The following IPMK variants were observed in gnomAD, a reference collection of about 807,000 sequenced individuals.
IPMK encodes the protein inositol polyphosphate multikinase.
A neutral mutation model predicts 45.8 loss-of-function variants in IPMK; 17 were observed. The ratio of observed to expected loss-of-function variants is 0.37; its 90% CI spans 0.25 to 0.56. IPMK has a LOEUF of 0.56. IPMK is among the 20% of genes least tolerant of loss of function. The pLI, the probability that IPMK is intolerant of heterozygous loss-of-function variation, is 0.79. For missense variants in IPMK, 399 were observed against 498.0 expected, an observed-to-expected ratio of 0.80 and a Z score of 1.89; for synonymous variants, 180 against 184.3, an observed-to-expected ratio of 0.98 and a Z score of 0.19.
At chr10:58,229,205 C>G (rs1428285951) in intron 2 of IPMK, among the ~76,000 whole-genome samples, 1 of 151,946 alleles carries the variant, frequency 6.6e-6, no homozygotes, top group Non-Finnish European at 1.5e-5. Context: ...ACTGATAGAG[C>G]AGAATTTTTT....
At chr10:58,222,491 C>T (rs1838352573) in intron 3 of IPMK, among the ~76,000 whole-genome samples, 1 of 152,146 alleles carries the variant, frequency 6.6e-6, no homozygotes, top group African/African-American at 2.4e-5. Flanking sequence ...AGTCTAAGGA[C>T]TGGCACTTGT....
intron 1 of IPMK, among the ~76,000 whole-genome samples, chr10:58,238,431 A>G (rs1308700705): frequency 2.0e-5 from 3 of 152,212 alleles, no homozygotes; most frequent in East Asian, 1.9e-4. Flanking sequence ...TCAAAGAGGG[A>G]GACTTTTTAT....
chr10:58,237,795 A>G lies in IPMK; in HGVS notation c.210T>C (p.Asp70=), dbSNP rs1295696360. 2 of 1,613,712 alleles carry G rather than the reference A, an allele frequency of 1.2e-6. No individual in the cohort carries two copies. The highest frequency in any genetic ancestry group is 1.7e-6 in the Non-Finnish European group (2 of 1,179,650). The change falls in exon 2 of 6, where the codon GAT becomes GAC. Residue 70 remains aspartate, a synonymous_variant. Coordinates refer to ENST00000373935, the MANE Select transcript of IPMK (RefSeq NM_152230.5). ...KDKVGILQHP[D]GTVLKQLQPP... ...GTTGTAACTGTTTCAAAACTGTGCCATCTGGATGTTGCAGTATACCTATGG... is the reference window on the plus strand; with the variant it reads ...GTTGTAACTGTTTCAAAACTGTGCCGTCTGGATGTTGCAGTATACCTATGG...
intron 5 of IPMK, among the ~76,000 whole-genome samples, chr10:58,197,626 C>A (rs950695888): frequency 7.3e-6 from 1 of 136,954 alleles, no homozygotes; most frequent in Non-Finnish European, 1.6e-5. Flanking sequence ...CTCCAGCCTG[C>A]GCAACAGAAC....
Position 58,267,867 on chromosome 10 carries a change from C to G in IPMK, c.-256G>C, listed in dbSNP as rs1007420415. On this transcript the variant is annotated 5_prime_UTR_variant, in exon 1 of 6. Coordinates refer to ENST00000373935, the MANE Select transcript of IPMK (RefSeq NM_152230.5). ...GCCGCAGCCGCCGGCCCCGGCGCTG[C>G]CCGGTAGACAGAACCGAGCCGAAGA... The G allele has an allele frequency of 2.3e-5, 10 of 441,066 alleles. No individual in the cohort carries two copies. The highest frequency in any genetic ancestry group is 3.6e-5 in the Non-Finnish European group (9 of 250,144). 27.3% of individuals were successfully genotyped at this position (441,066 alleles called of 1,614,324 possible). A position where few individuals can be genotyped will look rare whatever the true frequency, so the allele number is the denominator to read the frequency against.
At chr10:58,199,640 C>G (rs1441578884) in intron 4 of IPMK, among the ~76,000 whole-genome samples, 1 of 152,086 alleles carries the variant, frequency 6.6e-6, no homozygotes, top group Admixed American at 6.5e-5. Context: ...TTTTAAAATA[C>G]AAGAAGCCTT....
In IPMK at chr10:58,192,529, C is replaced by G. The variant is rs1170151287; in HGVS notation, c.*3547G>C. The G allele has an allele frequency of 6.6e-6, 1 of 152,024 alleles. No homozygotes were observed. Among genetic ancestry groups the G allele is most frequent in the Non-Finnish European group, 1.5e-5 (1 of 67,916 alleles). 9.4% of individuals were successfully genotyped at this position (152,024 alleles called of 1,614,324 possible). A position where few individuals can be genotyped will look rare whatever the true frequency, so the allele number is the denominator to read the frequency against. On this transcript the variant is annotated 3_prime_UTR_variant, in exon 6 of 6. Transcript: ENST00000373935. ...TGTTAGATGCTTCATTTCAACCCCA[C>G]ACTTATTATCTTATTTAGATGCCTA...
At position 58,193,657 on chromosome 10, in the gene IPMK, C is replaced by T. The variant is rs1337013404; in HGVS notation, c.*2419G>A. On this transcript the variant is annotated 3_prime_UTR_variant, in exon 6 of 6. Transcript: ENST00000373935. ...ATGAGTGTATTCCATAAGAAATACA[C>T]TAAAATCATTACTTATGTTTCATAG... 1.3e-5 allele frequency: 2 copies of T among 151,618 alleles called. No individual in the cohort carries two copies. Among genetic ancestry groups the T allele is most frequent in the African/African-American group, 2.4e-5 (1 of 41,348 alleles). 9.4% of individuals were successfully genotyped at this position (151,618 alleles called of 1,614,324 possible). A position where few individuals can be genotyped will look rare whatever the true frequency, so the allele number is the denominator to read the frequency against.
chr10:58,191,530 C>A lies in IPMK; in HGVS notation c.*4546G>T, dbSNP rs1303921351. 1 of 152,012 alleles carries A rather than the reference C, an allele frequency of 6.6e-6. No individual in the cohort carries two copies. Among genetic ancestry groups the A allele is most frequent in the Admixed American group, 6.6e-5 (1 of 15,238 alleles). 9.4% of individuals were successfully genotyped at this position (152,012 alleles called of 1,614,324 possible). A position where few individuals can be genotyped will look rare whatever the true frequency, so the allele number is the denominator to read the frequency against. The stretch of plus-strand genomic sequence containing the variant: ...TAATGAAAAAAGTTCCAATGCAAAA[C>A]ATTTTAATAGGTTGTCAAATATACA... On this transcript the variant is annotated 3_prime_UTR_variant, in exon 6 of 6. Coordinates refer to ENST00000373935, the MANE Select transcript of IPMK (RefSeq NM_152230.5).
At chr10:58,246,041 C>T (rs1447245250) in intron 1 of IPMK, among the ~76,000 whole-genome samples, 3 of 131,162 alleles carry the variant, frequency 2.3e-5, no homozygotes, top group African/African-American at 1.1e-4. Context: ...CATGAGTGAA[C>T]TCCCATTCAC....
At chr10:58,237,210 A>G (rs1008878826) in intron 2 of IPMK, among the ~76,000 whole-genome samples, 35 of 152,272 alleles carry the variant, frequency 2.3e-4, no homozygotes, top group African/African-American at 7.0e-4. Flanking sequence ...CAAGACACAA[A>G]CAAGAGACTG....
In IPMK at chr10:58,237,723, A is replaced by C. The variant is rs1229278691; in HGVS notation, c.276+6T>G. ...AAGACAACAAAACAAATCTTACCTCACTTACCATATTATAGAATTCCAGCT... is the reference window on the plus strand; with the variant it reads ...AAGACAACAAAACAAATCTTACCTCCCTTACCATATTATAGAATTCCAGCT... On this transcript the variant is annotated splice_donor_region_variant and intron_variant, in intron 2 of 5. Coordinates refer to ENST00000373935, the MANE Select transcript of IPMK (RefSeq NM_152230.5). 2 of 1,603,698 alleles carry C rather than the reference A, an allele frequency of 1.2e-6. No individual in the cohort carries two copies. The highest frequency in any genetic ancestry group is 1.7e-6 in the Non-Finnish European group (2 of 1,171,806).
chr10:58,225,532 T>G (rs985939763), intron 3 of IPMK, among the ~76,000 whole-genome samples: 1 of 152,162 alleles, frequency 6.6e-6, no homozygotes, highest in Non-Finnish European at 1.5e-5. Flanking sequence ...ATTAAAATGT[T>G]TCTTCTCTTA....
intron 1 of IPMK, among the ~76,000 whole-genome samples, chr10:58,254,541 A>G (rs763555211): frequency 6.6e-6 from 1 of 152,026 alleles, no homozygotes; most frequent in Admixed American, 6.6e-5. Flanking sequence ...TAGATCTTCA[A>G]TTCTTCTAGT....
rs537257870 is a variant in IPMK, at chr10:58,223,955, G to A, written c.373+3088C>T. Among the ~76,000 whole-genome samples, 265 of 152,212 alleles carry A rather than the reference G, an allele frequency of 1.7e-3. 1 individual carries two copies. The highest frequency in any genetic ancestry group is 0.017 in the Middle Eastern group (5 of 294). ...CATCAGCCATGCAGAACTGTGAGTC[G>A]ATTAAACCTCTTTTCTTTATAAATT... On this transcript the variant is annotated intron_variant, in intron 3 of 5. Transcript: ENST00000373935.
In IPMK at chr10:58,196,714, T is replaced by C; in HGVS notation, c.629-16A>G. Reference sequence around the variant, plus strand: ...CTGGAGACTCCTATAAAAAGAAAAATATGAGCGTTATAATCAAATTATGAA... The same window carrying C: ...CTGGAGACTCCTATAAAAAGAAAAACATGAGCGTTATAATCAAATTATGAA... On this transcript the variant is annotated splice_polypyrimidine_tract_variant and intron_variant, in intron 5 of 5. Transcript: ENST00000373935. 2 of 1,475,036 alleles carry C rather than the reference T, an allele frequency of 1.4e-6. No homozygotes were observed. The highest frequency in any genetic ancestry group is 1.8e-4 in the Middle Eastern group (1 of 5,596). The allele number at this position is 1,475,036 out of a possible 1,614,324, so 91.4% of individuals were successfully genotyped here.
chr10:58,228,398 T>G (rs1158686177), intron 2 of IPMK, among the ~76,000 whole-genome samples: 2 of 152,236 alleles, frequency 1.3e-5, no homozygotes, highest in Non-Finnish European at 2.9e-5. Context: ...TTGAAACTAC[T>G]CATAGTTTAA....
At chr10:58,208,582 A>C (rs965427958) in intron 4 of IPMK, among the ~76,000 whole-genome samples, 1 of 152,086 alleles carries the variant, frequency 6.6e-6, no homozygotes, top group Non-Finnish European at 1.5e-5. Context: ...TGGTACTTGT[A>C]GGGATAAAGA....
In IPMK at chr10:58,195,278, A is replaced by G. The variant is rs1837874756; in HGVS notation, c.*798T>C. ...GATACAAAGGTATATGGTTTATGATACTTTCACAATGTAATAAATTTATAT... is the reference window on the plus strand; with the variant it reads ...GATACAAAGGTATATGGTTTATGATGCTTTCACAATGTAATAAATTTATAT... On this transcript the variant is annotated 3_prime_UTR_variant, in exon 6 of 6. Coordinates refer to ENST00000373935, the MANE Select transcript of IPMK (RefSeq NM_152230.5). The G allele has an allele frequency of 6.6e-6, 1 of 152,114 alleles. No individual in the cohort carries two copies. The highest frequency in any genetic ancestry group is 2.4e-5 in the African/African-American group (1 of 41,466). The allele number at this position is 152,114 out of a possible 1,614,324, so 9.4% of individuals were successfully genotyped here.
Sources: gnomAD v4.1 joint callset for allele counts (sites outside exome capture counted in the v4.1 genomes callset) on GRCh38, gnomAD v4.1.1 for gene constraint, MANE v1.5 for transcripts, NCBI Gene and HGNC (gene_info 2026-07-23, HGNC 2026-07-21) for gene names.